Variants in DTNA observed in about 807,000 individuals in gnomAD.
DTNA encodes dystrophin-related protein 3.
A neutral mutation model predicts 100.7 loss-of-function variants in DTNA; 43 were observed. The observed-to-expected ratio is 0.43, with a 90% CI of 0.33 to 0.55. The LOEUF (loss-of-function observed/expected upper bound fraction) is 0.55. DTNA is among the 20% of genes least tolerant of loss of function. The probability of loss-of-function intolerance (pLI) is 0.04; values close to 1 mark genes in which losing one functional copy is unlikely to be tolerated. For missense variants in DTNA, 798 were observed against 953.9 expected (o/e 0.84, Z 2.15); for synonymous variants, 349 against 347.9 (o/e 1.00, Z -0.04).
intron 13 of DTNA, among the ~76,000 whole-genome samples, chr18:34,842,901 TTGGTTGGTGGC>T (rs2096296364): frequency 2.0e-5 from 3 of 152,268 alleles, no homozygotes; most frequent in South Asian, 4.1e-4. Context: ...GGTTAGTTGG[TTGGTTGGTGGC>T]TGGTTGGTTG....
intron 1 of DTNA, among the ~76,000 whole-genome samples, chr18:34,611,866 C>T (rs1021388158): frequency 2.0e-5 from 3 of 152,178 alleles, no homozygotes; most frequent in South Asian, 2.1e-4. Flanking sequence ...AGAGGGGTCT[C>T]GGGCATCTCG....
chr18:34,799,070 G>A (rs2095105944), intron 4 of DTNA, among the ~76,000 whole-genome samples: 1 of 152,086 alleles, frequency 6.6e-6, no homozygotes, highest in Non-Finnish European at 1.5e-5. Flanking sequence ...CCAGTTTCTG[G>A]TATTTATACA....
chr18:34,681,506 C>A (rs1420425378), intron 1 of DTNA, among the ~76,000 whole-genome samples: 2 of 152,028 alleles, frequency 1.3e-5, no homozygotes. Context: ...TCCAGTCATT[C>A]CTCCCACAGA....
chr18:34,527,781 C>T lies in DTNA; in HGVS notation c.-2+34267C>T, dbSNP rs543263771. ...TTCAGTTATTAAACTGTTACTTAAA[C>T]CACTAAGTCATGATAAATGAGTCCA... is the stretch of plus-strand genomic sequence containing the variant. On this transcript the variant is annotated intron_variant, in intron 1 of 19. Coordinates refer to the DTNA transcript ENST00000283365. Among the ~76,000 whole-genome samples, 9 of 152,192 alleles carry T rather than the reference C, an allele frequency of 5.9e-5. No homozygotes were observed. In the South Asian group the frequency reaches 1.9e-3, roughly 32 times the overall value.
chr18:34,529,434 T>C (rs962620596), intron 1 of DTNA, among the ~76,000 whole-genome samples: 1 of 152,068 alleles, frequency 6.6e-6, no homozygotes, highest in African/African-American at 2.4e-5. Context: ...CACAAAAATA[T>C]ATCTAAAAGA....
At chr18:34,567,041 A>G (rs766110108) in intron 1 of DTNA, among the ~76,000 whole-genome samples, 4 of 152,216 alleles carry the variant, frequency 2.6e-5, no homozygotes, top group Admixed American at 6.5e-5. Context: ...TCAATATACC[A>G]TCAATTTTGC....
intron 1 of DTNA, among the ~76,000 whole-genome samples, chr18:34,747,079 C>A (rs1343416533): frequency 7.0e-6 from 1 of 142,264 alleles, no homozygotes; most frequent in Non-Finnish European, 1.5e-5. Context: ...TCATTAGATA[C>A]CCATATCTAT....
chr18:34,601,459 C>A (rs1188652158), intron 1 of DTNA, among the ~76,000 whole-genome samples: 1 of 152,128 alleles, frequency 6.6e-6, no homozygotes, highest in African/African-American at 2.4e-5. Context: ...TGTCTGAGCC[C>A]AGCGTCTGGA....
rs1369012381 is a variant in DTNA, at chr18:34,572,360, GATA to G, written c.-2+78849_-2+78851del. Among the ~76,000 whole-genome samples, 17 of 152,270 alleles carry G rather than the reference GATA, an allele frequency of 1.1e-4. No homozygotes were observed. The South Asian group carries it at 1.9e-3, about 17-fold the overall frequency. Reference sequence around the variant, plus strand: ...GATTCATATATTTTCTGTCAACCATGATAATGATGATAGTTACTCTAATTGAGC... The same window carrying G: ...GATTCATATATTTTCTGTCAACCATGATGATGATAGTTACTCTAATTGAGC... On this transcript the variant is annotated intron_variant, in intron 1 of 19. Coordinates refer to the DTNA transcript ENST00000283365.
chr18:34,754,490 A>AG (rs2092633217), intron 1 of DTNA, among the ~76,000 whole-genome samples: 1 of 152,186 alleles, frequency 6.6e-6, no homozygotes, highest in Non-Finnish European at 1.5e-5. Context: ...CTCAGAGGAC[A>AG]GCGTGGTCCT....
intron 1 of DTNA, among the ~76,000 whole-genome samples, chr18:34,744,807 G>A (rs2147865134): frequency 6.6e-6 from 1 of 152,228 alleles, no homozygotes; most frequent in Non-Finnish European, 1.5e-5. Context: ...GTGTGTCTGT[G>A]TGGGCAGTGC....
At chr18:34,608,759 TC>T (rs1334482073) in intron 1 of DTNA, among the ~76,000 whole-genome samples, 4 of 152,188 alleles carry the variant, frequency 2.6e-5, no homozygotes, top group Non-Finnish European at 4.4e-5. Flanking sequence ...TCTGCTGCCT[TC>T]TCACCTGCTG....
At chr18:34,848,151 G>A in intron 13 of DTNA, 145 bp from the exon 14 acceptor site, 1 of 748,176 alleles carries the variant, frequency 1.3e-6, no homozygotes, top group Non-Finnish European at 2.3e-6. Context: ...ATTCAAGTCT[G>A]AGATTGTTAT....
chr18:34,628,649 T>A (rs1221413107), intron 1 of DTNA, among the ~76,000 whole-genome samples: 1 of 152,190 alleles, frequency 6.6e-6, no homozygotes, highest in Non-Finnish European at 1.5e-5. Context: ...CATAACAACT[T>A]TATTTGTTGT....
At chr18:34,658,915 A>T (rs1423239009) in intron 1 of DTNA, among the ~76,000 whole-genome samples, 2 of 152,226 alleles carry the variant, frequency 1.3e-5, no homozygotes, top group Non-Finnish European at 2.9e-5. Context: ...CTCCACTGTA[A>T]CCACGGCTGA....
intron 1 of DTNA, among the ~76,000 whole-genome samples, chr18:34,524,771 G>A (rs1258801605): frequency 6.6e-6 from 1 of 151,854 alleles, no homozygotes; most frequent in Admixed American, 6.6e-5. Flanking sequence ...TTAAAAAAAA[G>A]GTTTATGTGT....
At chr18:34,680,812 T>A (rs1359063101) in intron 1 of DTNA, among the ~76,000 whole-genome samples, 1 of 152,138 alleles carries the variant, frequency 6.6e-6, no homozygotes, top group African/African-American at 2.4e-5. Context: ...AATGAAAAAC[T>A]TATTTTCTGA....
intron 17 of DTNA, among the ~76,000 whole-genome samples, chr18:34,870,030 A>T (rs907707504): frequency 6.6e-6 from 1 of 152,244 alleles, no homozygotes; most frequent in Non-Finnish European, 1.5e-5. Context: ...CGTCTCAAAA[A>T]AAAGGGGGTA....
At chr18:34,829,574 C>A in intron 11 of DTNA, 85 bp downstream of exon 11, 1 of 1,329,328 alleles carries the variant, frequency 7.5e-7, no homozygotes, top group Non-Finnish European at 9.9e-7. Context: ...CACTAAAATC[C>A]TCTCATAGTA....
Sources: gnomAD v4.1 joint callset for allele counts (sites outside exome capture counted in the v4.1 genomes callset) on GRCh38, gnomAD v4.1.1 for gene constraint, MANE v1.5 for transcripts, NCBI Gene and HGNC (gene_info 2026-07-23, HGNC 2026-07-21) for gene names.